Variants in KANK1 observed in about 807,000 individuals in gnomAD.
KANK1 encodes the protein KN motif and ankyrin repeat domain-containing protein 1.
KANK1 carries 109 observed loss-of-function variants against 106.2 expected under a neutral mutation model. The ratio of observed to expected loss-of-function variants is 1.03; its 90% CI spans 0.88 to 1.20. KANK1 has a LOEUF of 1.20. Among genes scored for constraint, KANK1 ranks in the 50% most tolerant of loss-of-function variants. KANK1 has a pLI of 0.00. For missense variants in KANK1, 2,399 were observed against 1,710.7 expected, an observed-to-expected ratio of 1.40 and a Z score of -7.10; for synonymous variants, 873 against 652.2, an observed-to-expected ratio of 1.34 and a Z score of -5.16.
intron 1 of KANK1, among the ~76,000 whole-genome samples, chr9:605,771 G>C (rs1438356736): frequency 6.6e-6 from 1 of 151,696 alleles, no homozygotes; most frequent in Non-Finnish European, 1.5e-5. Context: ...CCAGTGGCCC[G>C]CTCTCCCTCA....
At chr9:584,190 G>A (rs554503253) in intron 1 of KANK1, among the ~76,000 whole-genome samples, 3 of 152,224 alleles carry the variant, frequency 2.0e-5, no homozygotes, top group East Asian at 3.9e-4. Flanking sequence ...AAAAATGAAA[G>A]CATACAAGAC....
At chr9:531,251 C>T (rs1277355329) in intron 1 of KANK1, among the ~76,000 whole-genome samples, 1 of 152,064 alleles carries the variant, frequency 6.6e-6, no homozygotes, top group East Asian at 1.9e-4. Flanking sequence ...CCAGCCTGGG[C>T]AACAAAGCAA....
intron 1 of KANK1, among the ~76,000 whole-genome samples, chr9:607,899 C>G (rs537802740): frequency 8.6e-5 from 13 of 151,460 alleles, no homozygotes; most frequent in African/African-American, 3.2e-4. Context: ...GTACCTTTAC[C>G]TGGTTGTATT....
chr9:615,132 C>A (rs576162033), intron 1 of KANK1, among the ~76,000 whole-genome samples: 1 of 152,044 alleles, frequency 6.6e-6, no homozygotes, highest in South Asian at 2.1e-4. Flanking sequence ...AGAGGGTCTC[C>A]CTGTGTTGCC....
chr9:731,353 G>T, intron 5 of KANK1, 87 bp downstream of exon 5: 1 of 744,472 alleles, frequency 1.3e-6, no homozygotes, highest in Non-Finnish European at 2.3e-6. Context: ...CCTAGTCGGG[G>T]AAGCGGCCAC....
At chr9:472,467 C>T (rs989441761) in intron 2 of KANK1, among the ~76,000 whole-genome samples, 1 of 151,830 alleles carries the variant, frequency 6.6e-6, no homozygotes, top group Non-Finnish European at 1.5e-5. Flanking sequence ...CCAGTTGCTG[C>T]AAATGCTGAA....
chr9:520,107 G>A (rs1383901998), intron 1 of KANK1, among the ~76,000 whole-genome samples: 1 of 151,758 alleles, frequency 6.6e-6, no homozygotes, highest in African/African-American at 2.4e-5. Flanking sequence ...GGAGGCTGAG[G>A]TGGATAGATC....
At chr9:598,968 A>G (rs1827019510) in intron 1 of KANK1, among the ~76,000 whole-genome samples, 1 of 149,858 alleles carries the variant, frequency 6.7e-6, no homozygotes. Context: ...GCAATTATAA[A>G]TATAATTGTT....
chr9:669,807 C>CT (rs1845489186), intron 1 of KANK1, among the ~76,000 whole-genome samples: 1 of 152,068 alleles, frequency 6.6e-6, no homozygotes, highest in South Asian at 2.1e-4. Context: ...ATTGAGTAAG[C>CT]TTTTTTCTAC....
intron 2 of KANK1, among the ~76,000 whole-genome samples, chr9:701,628 T>A (rs1564012855): frequency 6.6e-6 from 1 of 151,984 alleles, no homozygotes. Flanking sequence ...GCGACAACAA[T>A]AAATATCTTC....
At chr9:605,477 T>C (rs561188544) in intron 1 of KANK1, among the ~76,000 whole-genome samples, 73 of 151,642 alleles carry the variant, frequency 4.8e-4, no homozygotes, top group Middle Eastern at 6.8e-3. Flanking sequence ...ACTCAGTCTT[T>C]AAGAGCACGT....
At chr9:598,939 G>GGTATTTTAT (rs1383044498) in intron 1 of KANK1, among the ~76,000 whole-genome samples, 2 of 147,256 alleles carry the variant, frequency 1.4e-5, no homozygotes, top group Non-Finnish European at 3.0e-5. Flanking sequence ...GCCATCCCTA[G>GGTATTTTAT]GTATTTTATT....
At chr9:605,880 A>G (rs1477291330) in intron 1 of KANK1, among the ~76,000 whole-genome samples, 1 of 151,556 alleles carries the variant, frequency 6.6e-6, no homozygotes, top group Non-Finnish European at 1.5e-5. Flanking sequence ...TGGTAATGGG[A>G]CTAACTGGCC....
chr9:579,330 T>C (rs1352201612), intron 1 of KANK1, among the ~76,000 whole-genome samples: 1 of 152,106 alleles, frequency 6.6e-6, no homozygotes, highest in East Asian at 1.9e-4. Flanking sequence ...CAAAACAAAC[T>C]TGGGGAGGAT....
chr9:590,431 A>T lies in KANK1; in HGVS notation c.-84+85677A>T, dbSNP rs547525508. The stretch of plus-strand genomic sequence containing the variant: ...TCCTCTCCATTTCCTCCTTTACCAG[A>T]CAGTTTAGTGTGTCTCAAGTTATAT... On this transcript the variant is annotated intron_variant, in intron 1 of 11. Coordinates refer to ENST00000382297, the MANE Select transcript of KANK1 (RefSeq NM_015158.5). 2.6e-5 allele frequency among the ~76,000 whole-genome samples: 4 copies of T among 152,076 alleles called. No homozygotes were observed. In the South Asian group the frequency reaches 6.2e-4, roughly 24 times the overall value.
rs769513701 is a variant in KANK1, at chr9:730,285, T to C, written c.2896+37T>C. The stretch of plus-strand genomic sequence containing the variant: ...CACTCACAGTCATTGGCATCAGGAT[T>C]CTAGGGCCAGCATTGCCAGCATTCC... On this transcript the variant is annotated intron_variant, in intron 4 of 11. Transcript: ENST00000382297. The C allele has an allele frequency of 3.8e-6, 6 of 1,592,392 alleles. No individual in the cohort carries two copies. In the Admixed American group the frequency reaches 8.3e-5, roughly 22 times the overall value.
At chr9:607,500 A>T (rs1022541472) in intron 1 of KANK1, among the ~76,000 whole-genome samples, 5 of 151,078 alleles carry the variant, frequency 3.3e-5, no homozygotes, top group Admixed American at 6.6e-5. Flanking sequence ...AAAAAAAAAA[A>T]AAAAAAAGGA....
At chr9:488,493 G>T (rs146003830) in intron 3 of KANK1, among the ~76,000 whole-genome samples, 2 of 152,270 alleles carry the variant, frequency 1.3e-5, no homozygotes, top group Non-Finnish European at 1.5e-5. Context: ...ACAAAATCTG[G>T]ATTTGAACCT....
At chr9:497,430 TCACA>T (rs112024846) in intron 3 of KANK1, among the ~76,000 whole-genome samples, 12 of 150,720 alleles carry the variant, frequency 8.0e-5, no homozygotes, top group South Asian at 2.1e-4. Context: ...ATGTGACTCT[TCACA>T]CACACACACA....
Sources: gnomAD v4.1 joint callset for allele counts (sites outside exome capture counted in the v4.1 genomes callset) on GRCh38, gnomAD v4.1.1 for gene constraint, MANE v1.5 for transcripts, NCBI Gene and HGNC (gene_info 2026-07-23, HGNC 2026-07-21) for gene names.